The following UNC5C variants were observed in gnomAD, a reference collection of about 807,000 sequenced individuals.
The protein encoded by UNC5C is unc-5 netrin receptor C.
UNC5C carries 47 observed loss-of-function variants against 99.8 expected under a neutral mutation model. The observed-to-expected ratio is 0.47, with a 90% CI of 0.37 to 0.60. UNC5C has a LOEUF of 0.60. UNC5C is among the 20% of genes least tolerant of loss of function. The pLI, the probability that UNC5C is intolerant of heterozygous loss-of-function variation, is 0.00. For missense variants in UNC5C, 1,062 were observed against 1,165.9 expected (o/e 0.91, Z 1.30); for synonymous variants, 487 against 452.2 (o/e 1.08, Z -0.98).
At chr4:95,272,541 C>T (rs546187807) in intron 4 of UNC5C, among the ~76,000 whole-genome samples, 1 of 152,190 alleles carries the variant, frequency 6.6e-6, no homozygotes, top group Non-Finnish European at 1.5e-5. Context: ...TGGGATTTTT[C>T]CCATACTTTT....
chr4:95,176,822 C>T (rs950944445), intron 14 of UNC5C, among the ~76,000 whole-genome samples: 21 of 152,310 alleles, frequency 1.4e-4, no homozygotes, highest in Middle Eastern at 6.8e-3. Context: ...TGGGCAATGG[C>T]GGGGGCCCCT....
At chr4:95,198,340 A>C (rs1414447515) in intron 12 of UNC5C, among the ~76,000 whole-genome samples, 1 of 152,012 alleles carries the variant, frequency 6.6e-6, no homozygotes, top group Non-Finnish European at 1.5e-5. Context: ...CTTGTGGGAG[A>C]GAGAGATGGA....
Position 95,242,467 on chromosome 4 carries a change from A to G in UNC5C, c.1070T>C (p.Leu357Ser). 1.2e-6 allele frequency: 2 copies of G among 1,614,044 alleles called. No homozygotes were observed. Among genetic ancestry groups the G allele is most frequent in the African/African-American group, 2.7e-5 (2 of 75,042 alleles). Reference sequence around the variant, plus strand: ...CCCATCAGTGCAGTTCTTGGATTGCAAGACGAGGCCGTCGCAGTCCTTGCC... The same window carrying G: ...CCCATCAGTGCAGTTCTTGGATTGCGAGACGAGGCCGTCGCAGTCCTTGCC... Reference protein sequence around the residue: ...NGGKDCDGLVLQSKNCTDGLC... With the variant: ...NGGKDCDGLVSQSKNCTDGLC... The change falls in exon 7 of 16, where the codon TTG becomes TCG. Residue 357 changes from leucine to serine, a missense_variant. By Grantham distance (145) the Leu-to-Ser change is moderately radical. Transcript: ENST00000453304.
At chr4:95,233,493 A>AAT (rs1208005849) in intron 7 of UNC5C, among the ~76,000 whole-genome samples, 1 of 151,928 alleles carries the variant, frequency 6.6e-6, no homozygotes, top group Non-Finnish European at 1.5e-5. Flanking sequence ...TGTATTGATA[A>AAT]ATATATATAT....
chr4:95,322,391 GATGAGTAGCTATAATCTCAGAAA>G (rs1307517482), intron 2 of UNC5C, among the ~76,000 whole-genome samples: 1 of 152,124 alleles, frequency 6.6e-6, no homozygotes, highest in Non-Finnish European at 1.5e-5. Context: ...AATTTAGTAG[GATGAGTAGCTATAATCTCAGAAA>G]ATAAACTGTC....
intron 2 of UNC5C, among the ~76,000 whole-genome samples, chr4:95,333,771 A>G (rs958759238): frequency 6.6e-6 from 1 of 152,108 alleles, no homozygotes; most frequent in African/African-American, 2.4e-5. Context: ...CTATATAGGC[A>G]TGTCATTATT....
At chr4:95,498,686 G>C (rs943676004) in intron 1 of UNC5C, among the ~76,000 whole-genome samples, 2 of 137,542 alleles carry the variant, frequency 1.5e-5, no homozygotes, top group African/African-American at 5.3e-5. Flanking sequence ...TTCCAAAAAT[G>C]TTTTCAGATT....
intron 7 of UNC5C, among the ~76,000 whole-genome samples, chr4:95,237,302 A>G (rs1378183078): frequency 6.6e-6 from 1 of 152,218 alleles, no homozygotes; most frequent in Non-Finnish European, 1.5e-5. Context: ...AAAGGGTATG[A>G]TAACTTTAAA....
chr4:95,439,728 G>A (rs560055685), intron 1 of UNC5C, among the ~76,000 whole-genome samples: 2 of 152,292 alleles, frequency 1.3e-5, no homozygotes, highest in East Asian at 1.9e-4. Flanking sequence ...AGATGCTGAT[G>A]TCAATTTGGA....
chr4:95,283,715 T>C (rs1364759722), intron 3 of UNC5C, among the ~76,000 whole-genome samples: 1 of 152,144 alleles, frequency 6.6e-6, no homozygotes, highest in Non-Finnish European at 1.5e-5. Flanking sequence ...GCCATTCCTG[T>C]CAGAAAAAAA....
intron 4 of UNC5C, among the ~76,000 whole-genome samples, chr4:95,264,357 C>A (rs1043934768): frequency 1.3e-5 from 2 of 152,166 alleles, no homozygotes; most frequent in Non-Finnish European, 2.9e-5. Flanking sequence ...TGGTAACTTT[C>A]TAATATTTGT....
intron 1 of UNC5C, among the ~76,000 whole-genome samples, chr4:95,419,066 G>C (rs746283908): frequency 1.3e-5 from 2 of 152,106 alleles, no homozygotes; most frequent in Non-Finnish European, 2.9e-5. Flanking sequence ...ATTTAGAATT[G>C]AAATAATATA....
At chr4:95,235,995 A>G (rs1739095962) in intron 7 of UNC5C, among the ~76,000 whole-genome samples, 2 of 152,188 alleles carry the variant, frequency 1.3e-5, no homozygotes. Flanking sequence ...AGGACTGTAA[A>G]CTGGTTCAAC....
intron 1 of UNC5C, among the ~76,000 whole-genome samples, chr4:95,410,980 C>T (rs1745970181): frequency 6.6e-6 from 1 of 152,120 alleles, no homozygotes; most frequent in Admixed American, 6.6e-5. Context: ...ACAAATGCTG[C>T]AATAACAATG....
intron 1 of UNC5C, among the ~76,000 whole-genome samples, chr4:95,477,356 T>C (rs1025915221): frequency 1.3e-5 from 2 of 151,986 alleles, no homozygotes; most frequent in African/African-American, 4.8e-5. Context: ...ACTGAAGAGA[T>C]TTCTGATTTC....
At chr4:95,379,977 C>T (rs1745017776) in intron 1 of UNC5C, among the ~76,000 whole-genome samples, 1 of 152,108 alleles carries the variant, frequency 6.6e-6, no homozygotes, top group African/African-American at 2.4e-5. Context: ...TAAAATGATA[C>T]CTATTATTGC....
At chr4:95,431,942 G>C (rs1578160067) in intron 1 of UNC5C, among the ~76,000 whole-genome samples, 1 of 152,154 alleles carries the variant, frequency 6.6e-6, no homozygotes, top group East Asian at 1.9e-4. Flanking sequence ...TCCCTCATTT[G>C]TCACTGCCCC....
intron 1 of UNC5C, among the ~76,000 whole-genome samples, chr4:95,374,270 C>A (rs1250867679): frequency 2.0e-5 from 3 of 152,140 alleles, no homozygotes; most frequent in Admixed American, 6.6e-5. Context: ...ATCAAGGCAA[C>A]AAAGTATTAA....
At chr4:95,238,259 CATTT>C (rs1156369211) in intron 7 of UNC5C, among the ~76,000 whole-genome samples, 5 of 152,024 alleles carry the variant, frequency 3.3e-5, no homozygotes, top group Non-Finnish European at 4.4e-5. Context: ...TCCACCATCT[CATTT>C]ATTGTTTTAA....
Sources: gnomAD v4.1 joint callset for allele counts (sites outside exome capture counted in the v4.1 genomes callset) on GRCh38, gnomAD v4.1.1 for gene constraint, MANE v1.5 for transcripts, NCBI Gene and HGNC (gene_info 2026-07-23, HGNC 2026-07-21) for gene names.